Variants in TK1 observed in about 807,000 individuals in gnomAD.
TK1 encodes thymidine kinase 1.
Under a neutral mutation model 22.4 loss-of-function variants are expected in TK1, and 13 were observed. The observed-to-expected ratio is 0.58, with a 90% CI of 0.38 to 0.92. The LOEUF (loss-of-function observed/expected upper bound fraction) is 0.92, where lower values mean the gene tolerates loss of function less well. Ranked by LOEUF, TK1 falls within the 40% of genes least tolerant of loss-of-function variation. The probability of loss-of-function intolerance (pLI) is 0.00; values close to 1 mark genes in which losing one functional copy is unlikely to be tolerated. For synonymous variants in TK1, 134 were observed against 125.4 expected (o/e 1.07, Z -0.46); for missense variants, 251 against 315.7 (o/e 0.80, Z 1.55).
chr17:78,186,810 G>T lies in TK1; in HGVS notation c.75C>A (p.Leu25=). The change falls in exon 2 of 7, where the codon CTC becomes CTA. Residue 25 remains leucine, a synonymous_variant. Transcript: ENST00000301634. ...SKTRGQIQVI[L]GPMFSGKSTE... ...ACCTTTTTCCTGAGAACATCGGCCCGAGAATCACCTAGGAGAGAAGGTGAG... is the reference window on the plus strand; with the variant it reads ...ACCTTTTTCCTGAGAACATCGGCCCTAGAATCACCTAGGAGAGAAGGTGAG... The T allele has an allele frequency of 6.3e-7, 1 of 1,585,170 alleles. No individual in the cohort carries two copies. The highest frequency in any genetic ancestry group is 8.6e-7 in the Non-Finnish European group (1 of 1,166,002).
At chr17:78,175,763 C>T in intron 4 of TK1, 145 bp from the exon 5 acceptor site, 1 of 671,570 alleles carries the variant, frequency 1.5e-6, no homozygotes, top group Non-Finnish European at 2.5e-6. Context: ...GCTCCCCAGG[C>T]CGGGGGACTG....
chr17:78,177,795 C>T (rs1285009560), intron 4 of TK1, among the ~76,000 whole-genome samples: 1 of 151,866 alleles, frequency 6.6e-6, no homozygotes, highest in Non-Finnish European at 1.5e-5. Flanking sequence ...AGGATGGTCT[C>T]GATCTCCTGA....
upstream of TK1, chr17:78,187,173 G>C (rs564445514): frequency 2.2e-6 from 2 of 895,470 alleles, no homozygotes; most frequent in East Asian, 2.6e-5. Context: ...GCCGCAGCCC[G>C]CCCCCTCGTG....
chr17:78,187,066 C>T (rs555370552), upstream of TK1: 20 of 1,509,824 alleles, frequency 1.3e-5, 1 homozygote, highest in Admixed American at 3.4e-4. Flanking sequence ...GGTTCCCGCG[C>T]CGACCGCTTT....
At chr17:78,177,184 T>C (rs956526032) in intron 4 of TK1, among the ~76,000 whole-genome samples, 2 of 152,168 alleles carry the variant, frequency 1.3e-5, no homozygotes, top group African/African-American at 4.8e-5. Context: ...TGAGCCTCTG[T>C]GCCAGACCCT....
intron 3 of TK1, among the ~76,000 whole-genome samples, chr17:78,183,128 C>T (rs1255587578): frequency 6.6e-6 from 1 of 152,112 alleles, no homozygotes; most frequent in Admixed American, 6.6e-5. Context: ...CCTTAGCCTC[C>T]CAGAGGAAAA....
At chr17:78,185,226 C>T in intron 2 of TK1, 61 bp from the exon 3 acceptor site, 5 of 1,330,004 alleles carry the variant, frequency 3.8e-6, no homozygotes, top group Non-Finnish European at 5.4e-6. Context: ...AAGGAGACCC[C>T]TCCCCAACAA....
At position 78,182,652 on chromosome 17, in the gene TK1, C is replaced by G. The variant is rs1598969282; in HGVS notation, c.240G>C (p.Leu80=). ...GGGCCTCCTGGGCCACGTCTCGGAG[C>G]AGGCAGGCGGGCAGTGCCTCCATGG... ...RNTMEALPAC[L]LRDVAQEALG... The change falls in exon 4 of 7, where the codon CTG becomes CTC. Residue 80 remains leucine (L), a synonymous_variant. Coordinates refer to ENST00000301634, the MANE Select transcript of TK1 (RefSeq NM_003258.5). The G allele has an allele frequency of 1.3e-6, 2 of 1,594,668 alleles. No individual in the cohort carries two copies. The highest frequency in any genetic ancestry group is 1.7e-5 in the Admixed American group (1 of 57,476).
At chr17:78,187,141 C>A, upstream of TK1, 2 of 1,000,940 alleles carry the variant, frequency 2.0e-6, no homozygotes, top group South Asian at 1.4e-5. Context: ...AGCGCCCGGC[C>A]GCTGACCTGG....
At chr17:78,181,537 C>CAAA (rs34860308) in intron 4 of TK1, among the ~76,000 whole-genome samples, 1 of 122,794 alleles carries the variant, frequency 8.1e-6, no homozygotes, top group Non-Finnish European at 1.7e-5. Flanking sequence ...GACTCCGTCT[C>CAAA]AAAAAAAAAA....
chr17:78,178,271 C>CA (rs1195686075), intron 4 of TK1, among the ~76,000 whole-genome samples: 1 of 152,200 alleles, frequency 6.6e-6, no homozygotes, highest in Non-Finnish European at 1.5e-5. Flanking sequence ...GGGTGCCCAC[C>CA]CACCACCAGC....
At chr17:78,184,959 C>G in intron 3 of TK1, 96 bp downstream of exon 3, 2 of 951,988 alleles carry the variant, frequency 2.1e-6, no homozygotes, top group South Asian at 2.9e-5. Context: ...ATTCAATGTT[C>G]AAATGATTAA....
intron 4 of TK1, among the ~76,000 whole-genome samples, chr17:78,178,765 C>A (rs2075718895): frequency 6.6e-6 from 1 of 152,190 alleles, no homozygotes; most frequent in Non-Finnish European, 1.5e-5. Context: ...CTGCCTCAGC[C>A]TCCCAAGTAG....
chr17:78,181,436 G>A (rs1412211348), intron 4 of TK1, among the ~76,000 whole-genome samples: 1 of 151,664 alleles, frequency 6.6e-6, no homozygotes, highest in African/African-American at 2.4e-5. Flanking sequence ...CTACTTGGGA[G>A]GCGAGGTGGG....
chr17:78,186,272 T>C (rs535466846), intron 2 of TK1, among the ~76,000 whole-genome samples: 1 of 152,064 alleles, frequency 6.6e-6, no homozygotes, highest in South Asian at 2.1e-4. Context: ...GAATGGTGCG[T>C]GGGTAGTTTA....
intron 1 of TK1, 51 bp from the exon 2 acceptor site, chr17:78,186,869 G>C (rs2075807945): frequency 2.6e-6 from 4 of 1,568,620 alleles, no homozygotes; most frequent in Non-Finnish European, 3.5e-6. Context: ...CGGATGCCTG[G>C]ACACAGGCTA....
In TK1 at chr17:78,174,679, T is replaced by A. The variant is rs1422029305; in HGVS notation, c.*80A>T. Reference sequence around the variant, plus strand: ...CCCTCCACGCCTCCCGACTTCCTCCTGGAGTGGCTGGGCAGCATGCAGGGC... The same window carrying A: ...CCCTCCACGCCTCCCGACTTCCTCCAGGAGTGGCTGGGCAGCATGCAGGGC... On this transcript the variant is annotated 3_prime_UTR_variant, in exon 7 of 7. Transcript: ENST00000301634. 1 of 1,461,622 alleles carries A rather than the reference T, an allele frequency of 6.8e-7. No homozygotes were observed. 90.5% of individuals were successfully genotyped at this position (1,461,622 alleles called of 1,614,324 possible). A position where few individuals can be genotyped will look rare whatever the true frequency, so the allele number is the denominator to read the frequency against.
chr17:78,187,117 C>T, upstream of TK1: 1 of 1,159,740 alleles, frequency 8.6e-7, no homozygotes, highest in Non-Finnish European at 1.3e-6. Context: ...GGCCCCGCCG[C>T]CATGGGGCCA....
chr17:78,179,069 G>C (rs1182354155), intron 4 of TK1: 1 of 759,672 alleles, frequency 1.3e-6, no homozygotes, highest in African/African-American at 1.9e-5. Context: ...TGGATGTCGA[G>C]GAAGGAGAAG....
Sources: gnomAD v4.1 joint callset for allele counts (sites outside exome capture counted in the v4.1 genomes callset) on GRCh38, gnomAD v4.1.1 for gene constraint, MANE v1.5 for transcripts, NCBI Gene and HGNC (gene_info 2026-07-23, HGNC 2026-07-21) for gene names.